ELOVL5: variants seen among roughly 807,000 people sequenced by gnomAD.
ELOVL5 encodes the protein very long chain fatty acid elongase 5.
ELOVL5 carries 8 observed loss-of-function variants against 38.6 expected under a neutral mutation model. The ratio of observed to expected loss-of-function variants is 0.21; its 90% CI spans 0.12 to 0.37. ELOVL5 has a LOEUF of 0.37. Ranked by LOEUF, ELOVL5 falls within the 10% of genes least tolerant of loss-of-function variation. ELOVL5 has a pLI of 1.00. For missense variants in ELOVL5, 280 were observed against 367.8 expected (o/e 0.76, Z 1.95); for synonymous variants, 127 against 133.7 (o/e 0.95, Z 0.34).
chr6:53,290,873 T>G (rs1326072320), intron 3 of ELOVL5, among the ~76,000 whole-genome samples: 1 of 152,170 alleles, frequency 6.6e-6, no homozygotes, highest in Non-Finnish European at 1.5e-5. Flanking sequence ...CTCTACCTTC[T>G]TCTTTACTAC....
intron 1 of ELOVL5, among the ~76,000 whole-genome samples, chr6:53,314,774 C>T (rs1439836612): frequency 6.6e-6 from 1 of 152,046 alleles, no homozygotes; most frequent in Admixed American, 6.5e-5. Flanking sequence ...ACACACCCAC[C>T]CTTGAAAGGC....
intron 1 of ELOVL5, among the ~76,000 whole-genome samples, chr6:53,348,398 C>G (rs1736047056): frequency 6.6e-6 from 1 of 151,734 alleles, no homozygotes; most frequent in African/African-American, 2.4e-5. Flanking sequence ...GAGAGCGCTC[C>G]CCCGGCTCTC....
intron 1 of ELOVL5, among the ~76,000 whole-genome samples, chr6:53,330,646 C>T (rs985259223): frequency 2.0e-5 from 3 of 151,338 alleles, no homozygotes; most frequent in Admixed American, 6.6e-5. Flanking sequence ...TTCAGCCTCC[C>T]GAGTAGCTGG....
At position 53,273,461 on chromosome 6, in the gene ELOVL5, C is replaced by T. The variant is rs760407449; in HGVS notation, c.497-117G>A. The T allele has an allele frequency of 9.5e-5, 91 of 954,958 alleles. 1 individual carries two copies. Among genetic ancestry groups the T allele is most frequent in the Admixed American group, 7.1e-4 (30 of 42,488 alleles). 59.2% of individuals were successfully genotyped at this position (954,958 alleles called of 1,614,324 possible). Reference sequence around the variant, plus strand: ...AATCAGAAAGAGAGATGACTTCCAACGGAGCTGACAAACACTGCAACAGCA... The same window carrying T: ...AATCAGAAAGAGAGATGACTTCCAATGGAGCTGACAAACACTGCAACAGCA... On this transcript the variant is annotated intron_variant, in intron 5 of 7. Coordinates refer to ENST00000304434, the MANE Select transcript of ELOVL5 (RefSeq NM_021814.5).
At chr6:53,334,288 C>G (rs1768945969) in intron 1 of ELOVL5, among the ~76,000 whole-genome samples, 1 of 152,054 alleles carries the variant, frequency 6.6e-6, no homozygotes, top group Non-Finnish European at 1.5e-5. Context: ...GTATGAAAAC[C>G]CAAGAGACAG....
At chr6:53,337,973 C>T (rs536112370) in intron 1 of ELOVL5, among the ~76,000 whole-genome samples, 34 of 152,184 alleles carry the variant, frequency 2.2e-4, no homozygotes, top group South Asian at 8.3e-4. Flanking sequence ...GGCAAACTGG[C>T]GGAGGATGGT....
chr6:53,328,362 G>A (rs191877974), intron 1 of ELOVL5, among the ~76,000 whole-genome samples: 2 of 152,128 alleles, frequency 1.3e-5, no homozygotes, highest in Admixed American at 6.5e-5. Flanking sequence ...AACTGTACTG[G>A]TACCTGATTC....
Position 53,273,359 on chromosome 6 carries a change from G to A in ELOVL5, c.497-15C>T. ...ACCAAAATAAGCTGCAGGAACAGAG[G>A]GATTTGGGAAGGAGAATGTATTAGT... On this transcript the variant is annotated splice_polypyrimidine_tract_variant and intron_variant, in intron 5 of 7. Coordinates refer to ENST00000304434, the MANE Select transcript of ELOVL5 (RefSeq NM_021814.5). 1 of 1,612,766 alleles carries A rather than the reference G, an allele frequency of 6.2e-7. No homozygotes were observed. Among genetic ancestry groups the A allele is most frequent in the Non-Finnish European group, 8.5e-7 (1 of 1,179,116 alleles).
intron 1 of ELOVL5, among the ~76,000 whole-genome samples, chr6:53,327,630 G>A (rs974467545): frequency 6.6e-6 from 1 of 152,124 alleles, no homozygotes; most frequent in Non-Finnish European, 1.5e-5. Context: ...CAACACTGTG[G>A]ATGTACTAAA....
chr6:53,278,756 T>G (rs2281274), intron 3 of ELOVL5, among the ~76,000 whole-genome samples: 1 of 151,936 alleles, frequency 6.6e-6, no homozygotes, highest in Non-Finnish European at 1.5e-5. Flanking sequence ...CTGTCATGCT[T>G]CAATGCAACA....
intron 2 of ELOVL5, among the ~76,000 whole-genome samples, chr6:53,293,780 CA>C (rs1414372747): frequency 6.6e-6 from 1 of 152,204 alleles, no homozygotes; most frequent in Non-Finnish European, 1.5e-5. Context: ...TAAACTTTCC[CA>C]GCATTTCTCT....
At chr6:53,269,681 G>A (rs1014929313) in intron 7 of ELOVL5, among the ~76,000 whole-genome samples, 36 of 152,164 alleles carry the variant, frequency 2.4e-4, no homozygotes, top group African/African-American at 7.0e-4. Flanking sequence ...CTGCCTCGGC[G>A]ACTATCTCAG....
At position 53,327,254 on chromosome 6, in the gene ELOVL5, C is replaced by T. The variant is rs115686025; in HGVS notation, c.-9+21563G>A. On this transcript the variant is annotated intron_variant, in intron 1 of 7. Transcript: ENST00000304434. ...ACAAATACTCCTGATGCCCAACCTA[C>T]CCCTGTGGTGCCTCACTGCTAGGTA... Among the ~76,000 whole-genome samples the T allele has an allele frequency of 3.9e-3, 595 of 152,244 alleles. 5 individuals are homozygous for T. The highest frequency in any genetic ancestry group is 0.014 in the African/African-American group (575 of 41,530).
At chr6:53,288,042 G>C (rs1386462936) in intron 3 of ELOVL5, 8 of 1,029,728 alleles carry the variant, frequency 7.8e-6, no homozygotes, top group Non-Finnish European at 1.2e-5. Context: ...CATGAGGACA[G>C]AGCATCTGCC....
intron 2 of ELOVL5, chr6:53,294,146 C>T (rs1766887661): frequency 4.9e-6 from 7 of 1,414,752 alleles, no homozygotes; most frequent in Admixed American, 5.8e-5. Flanking sequence ...AAATACTCAT[C>T]TTTCCAAATT....
At chr6:53,274,149 T>C (rs1273662580) in intron 5 of ELOVL5, among the ~76,000 whole-genome samples, 4 of 152,214 alleles carry the variant, frequency 2.6e-5, no homozygotes, top group Non-Finnish European at 5.9e-5. Flanking sequence ...GAAAGTTCTC[T>C]GAAAATTTAA....
chr6:53,294,263 A>G (rs2127575253), intron 2 of ELOVL5: 1 of 1,549,352 alleles, frequency 6.5e-7, no homozygotes, highest in South Asian at 1.2e-5. Context: ...TGGTGGTCCT[A>G]ACCCCCTCTG....
intron 3 of ELOVL5, among the ~76,000 whole-genome samples, chr6:53,286,858 T>C (rs956392600): frequency 6.6e-6 from 1 of 152,196 alleles, no homozygotes; most frequent in Admixed American, 6.5e-5. Context: ...TTGTCATGTA[T>C]ACATATATAT....
At chr6:53,307,145 G>T (rs190491146) in intron 1 of ELOVL5, among the ~76,000 whole-genome samples, 540 of 152,366 alleles carry the variant, frequency 3.5e-3, no homozygotes, top group African/African-American at 0.011. Context: ...TTTGTGTCAA[G>T]CAGTATTGCT....
Sources: allele counts gnomAD v4.1 joint callset (sites outside exome capture counted in the v4.1 genomes callset), GRCh38; gene constraint gnomAD v4.1.1; transcripts MANE v1.5; gene names NCBI Gene and HGNC (gene_info 2026-07-23, HGNC 2026-07-21).